RFC3: variants seen among roughly 807,000 people sequenced by gnomAD.
The protein encoded by RFC3 is A1 38 kDa subunit.
In RFC3, 41 loss-of-function variants were observed where a neutral mutation model predicts 45.1. The ratio of observed to expected loss-of-function variants is 0.91; its 90% CI spans 0.71 to 1.18. The LOEUF (loss-of-function observed/expected upper bound fraction) is 1.18, where lower values mean the gene tolerates loss of function less well. Ranked by LOEUF, RFC3 falls within the 50% of genes most tolerant of loss-of-function variation. RFC3 has a pLI of 0.00. For missense variants in RFC3, 423 were observed against 428.1 expected (o/e 0.99, Z 0.10); for synonymous variants, 149 against 144.0 (o/e 1.03, Z -0.25).
chr13:33,942,184 A>G (rs1004961473), intron 8 of RFC3, among the ~76,000 whole-genome samples: 17 of 151,946 alleles, frequency 1.1e-4, no homozygotes, highest in South Asian at 2.1e-4. Flanking sequence ...TCTGTATCCT[A>G]TTTTATATTC....
intron 8 of RFC3, among the ~76,000 whole-genome samples, chr13:33,923,623 A>G (rs1258665014): frequency 1.3e-5 from 2 of 152,106 alleles, no homozygotes; most frequent in African/African-American, 2.4e-5. Context: ...TTGAATAACA[A>G]CTCAAATTAT....
chr13:33,853,071 T>G (rs1357832968), intron 8 of RFC3, among the ~76,000 whole-genome samples: 1 of 152,186 alleles, frequency 6.6e-6, no homozygotes, highest in Non-Finnish European at 1.5e-5. Flanking sequence ...GGGCTCTAGG[T>G]CTACATGGTT....
At chr13:33,946,862 G>A (rs9598360) in intron 8 of RFC3, among the ~76,000 whole-genome samples, 9,195 of 152,270 alleles carry the variant, frequency 0.06, 909 homozygotes, top group African/African-American at 0.21. Flanking sequence ...CTGAAACCAT[G>A]TCGGTGAGCT....
intron 7 of RFC3, among the ~76,000 whole-genome samples, chr13:33,834,552 G>A (rs1025772244): frequency 3.3e-5 from 5 of 151,562 alleles, no homozygotes; most frequent in East Asian, 1.9e-4. Context: ...CCTTTGTGCC[G>A]CCCCTTTTAT....
At chr13:33,910,827 G>A (rs568524962) in intron 8 of RFC3, among the ~76,000 whole-genome samples, 153 of 152,136 alleles carry the variant, frequency 1.0e-3, no homozygotes, top group African/African-American at 3.6e-3. Flanking sequence ...CTTCTGGGGA[G>A]GCCTCAGGAA....
intron 8 of RFC3, among the ~76,000 whole-genome samples, chr13:33,862,592 C>T (rs941207708): frequency 1.1e-4 from 16 of 151,778 alleles, no homozygotes; most frequent in Admixed American, 2.0e-4. Context: ...ATTTTAAAAG[C>T]GAGACATGTT....
At chr13:33,932,715 A>G (rs2082860306) in intron 8 of RFC3, among the ~76,000 whole-genome samples, 1 of 152,196 alleles carries the variant, frequency 6.6e-6, no homozygotes, top group Non-Finnish European at 1.5e-5. Flanking sequence ...AAAATAATGC[A>G]TGGTCCACAT....
At chr13:33,882,563 C>T (rs770276743) in intron 8 of RFC3, among the ~76,000 whole-genome samples, 1 of 152,184 alleles carries the variant, frequency 6.6e-6, no homozygotes, top group African/African-American at 2.4e-5. Flanking sequence ...GTCTCTATGC[C>T]TGCCGTGTGA....
intron 7 of RFC3, among the ~76,000 whole-genome samples, chr13:33,832,335 C>T (rs1295645541): frequency 2.0e-5 from 3 of 152,112 alleles, no homozygotes; most frequent in Non-Finnish European, 2.9e-5. Flanking sequence ...ACTGAATAGA[C>T]TGCAGCCAAT....
At chr13:33,861,503 G>A (rs182443166) in intron 8 of RFC3, among the ~76,000 whole-genome samples, 84 of 152,194 alleles carry the variant, frequency 5.5e-4, no homozygotes, top group Middle Eastern at 3.4e-3. Context: ...TGAATTAGCC[G>A]GGTGTGGTGG....
At chr13:33,960,598 A>G (rs1305115465) in intron 8 of RFC3, among the ~76,000 whole-genome samples, 1 of 152,176 alleles carries the variant, frequency 6.6e-6, no homozygotes, top group Admixed American at 6.5e-5. Flanking sequence ...GGTCAATATC[A>G]AAGGTGTTTT....
At chr13:33,948,525 G>A (rs2082968725) in intron 8 of RFC3, among the ~76,000 whole-genome samples, 1 of 152,148 alleles carries the variant, frequency 6.6e-6, no homozygotes, top group South Asian at 2.1e-4. Flanking sequence ...TGAGAAGAGG[G>A]CCACTGCCCT....
chr13:33,833,210 A>G (rs1003591395), intron 7 of RFC3, among the ~76,000 whole-genome samples: 2 of 152,156 alleles, frequency 1.3e-5, no homozygotes, highest in African/African-American at 4.8e-5. Flanking sequence ...TCTTGCTGGA[A>G]TATTTGTGGT....
At chr13:33,948,512 CT>C (rs1566039223) in intron 8 of RFC3, among the ~76,000 whole-genome samples, 4 of 152,212 alleles carry the variant, frequency 2.6e-5, no homozygotes, top group African/African-American at 9.7e-5. Flanking sequence ...CCTCGTGGAG[CT>C]GTGAGAAGAG....
intron 3 of RFC3, 34 bp from the exon 4 acceptor site, chr13:33,825,755 G>C (rs770323339): frequency 8.2e-7 from 1 of 1,220,212 alleles, no homozygotes; most frequent in East Asian, 2.5e-5. Context: ...AATATTAAGG[G>C]CATACTATAT....
At chr13:33,843,162 A>G (rs961420802) in intron 8 of RFC3, among the ~76,000 whole-genome samples, 2 of 150,030 alleles carry the variant, frequency 1.3e-5, no homozygotes, top group Non-Finnish European at 3.0e-5. Context: ...GTCATCTCAT[A>G]TTTTTCAAAT....
At chr13:33,967,604 C>T (rs2083094308), downstream of RFC3, among the ~76,000 whole-genome samples, 2 of 150,208 alleles carry the variant, frequency 1.3e-5, no homozygotes, top group African/African-American at 4.9e-5. Context: ...TCTCCTGCCT[C>T]AGCCACCCAA....
At chr13:33,966,600 C>T (rs1327082887), downstream of RFC3, 4 of 158,960 alleles carry the variant, frequency 2.5e-5, no homozygotes, top group Admixed American at 1.2e-4. Context: ...TTTCTATGCA[C>T]ATTGGTTTGT....
At chr13:33,973,667 T>C in the RFC3 span, among the ~76,000 whole-genome samples, 1 of 151,306 alleles carries the variant, frequency 6.6e-6, no homozygotes, top group African/African-American at 2.4e-5. Flanking sequence ...TTTTTTTTTT[T>C]TTTGACAGAG....
Sources: gnomAD v4.1 joint callset for allele counts (sites outside exome capture counted in the v4.1 genomes callset) on GRCh38, gnomAD v4.1.1 for gene constraint, MANE v1.5 for transcripts, NCBI Gene and HGNC (gene_info 2026-07-23, HGNC 2026-07-21) for gene names.